The following THADA variants were observed in gnomAD, a reference collection of about 807,000 sequenced individuals.
THADA encodes tRNA (32-2'-O)-methyltransferase regulator THADA.
Under a neutral mutation model 219.8 loss-of-function variants are expected in THADA, and 213 were observed. That is an observed-to-expected ratio of 0.97 (90% CI 0.87 to 1.09). The LOEUF (loss-of-function observed/expected upper bound fraction) is 1.09. Ranked by LOEUF, THADA falls within the 50% of genes least tolerant of loss-of-function variation. The pLI is 0.00. For missense variants in THADA, 2,956 were observed against 2,311.3 expected (o/e 1.28, Z -5.72); for synonymous variants, 1,018 against 828.9 (o/e 1.23, Z -3.92).
chr2:43,560,936 G>C (rs539092847), intron 15 of THADA, among the ~76,000 whole-genome samples: 13 of 151,172 alleles, frequency 8.6e-5, no homozygotes, highest in African/African-American at 3.2e-4. Flanking sequence ...AGAATCGCTC[G>C]AGGCCAGGAG....
At chr2:43,364,986 T>G (rs1379656004) in intron 29 of THADA, among the ~76,000 whole-genome samples, 1 of 151,666 alleles carries the variant, frequency 6.6e-6, no homozygotes, top group Non-Finnish European at 1.5e-5. Flanking sequence ...AGACGGAGTT[T>G]CGCTCTTGTT....
chr2:43,582,673 G>C (rs184173256), intron 7 of THADA, among the ~76,000 whole-genome samples: 1 of 147,132 alleles, frequency 6.8e-6, no homozygotes, highest in African/African-American at 2.5e-5. Context: ...GGGTTCAAGC[G>C]ATTCTCCTGC....
At chr2:43,541,560 G>A (rs765383730) in intron 20 of THADA, among the ~76,000 whole-genome samples, 11 of 151,900 alleles carry the variant, frequency 7.2e-5, no homozygotes, top group Non-Finnish European at 1.5e-4. Context: ...CCAGGCTGGG[G>A]TGCAGTAGCA....
At chr2:43,508,832 T>G in intron 22 of THADA, 52 bp from the exon 23 acceptor site, 1 of 1,569,928 alleles carries the variant, frequency 6.4e-7, no homozygotes, top group Non-Finnish European at 8.7e-7. Flanking sequence ...AAGTTAAAAG[T>G]ACAAACTATT....
At chr2:43,588,245 C>T (rs1382894592) in intron 4 of THADA, among the ~76,000 whole-genome samples, 1 of 151,314 alleles carries the variant, frequency 6.6e-6, no homozygotes, top group African/African-American at 2.4e-5. Context: ...GAATCCCTAC[C>T]TCACACTACA....
At chr2:43,365,501 G>T (rs899176015) in intron 29 of THADA, among the ~76,000 whole-genome samples, 1 of 151,780 alleles carries the variant, frequency 6.6e-6, no homozygotes, top group Non-Finnish European at 1.5e-5. Flanking sequence ...AACCTGGGAG[G>T]TGGAGGCTGC....
intron 25 of THADA, among the ~76,000 whole-genome samples, 177 bp from the exon 26 acceptor site, chr2:43,485,502 T>C (rs775022771): frequency 6.6e-6 from 1 of 152,188 alleles, no homozygotes; most frequent in Non-Finnish European, 1.5e-5. Flanking sequence ...ATCGATTCAA[T>C]GACTTCAATT....
intron 36 of THADA, among the ~76,000 whole-genome samples, chr2:43,273,517 G>C (rs1388323954): frequency 1.3e-5 from 2 of 152,162 alleles, no homozygotes; most frequent in Non-Finnish European, 2.9e-5. Context: ...AGTCGATTAG[G>C]AAAGAGCCTA....
Position 43,327,851 on chromosome 2 carries a change from C to T in THADA, c.4344-7311G>A, listed in dbSNP as rs112629877. On this transcript the variant is annotated intron_variant, in intron 30 of 37. Transcript: ENST00000405975. ...ATCCAGACAACTACCTCTGAGGATA[C>T]GCTGAATGGCTGTCTGAACCCAGGA... 6.3e-3 allele frequency among the ~76,000 whole-genome samples: 956 copies of T among 152,308 alleles called. 4 individuals carry two copies. Among genetic ancestry groups the T allele is most frequent in the African/African-American group, 0.02 (835 of 41,566 alleles).
At chr2:43,368,304 A>T (rs1471435410) in intron 29 of THADA, among the ~76,000 whole-genome samples, 1 of 152,184 alleles carries the variant, frequency 6.6e-6, no homozygotes, top group Non-Finnish European at 1.5e-5. Flanking sequence ...GTGCTGAACC[A>T]TCAACTTTAC....
At chr2:43,231,470 C>G (rs1461332264) in intron 37 of THADA, 127 bp from the exon 38 acceptor site, 2 of 958,074 alleles carry the variant, frequency 2.1e-6, no homozygotes, top group East Asian at 5.5e-5. Flanking sequence ...AGGGTGCACT[C>G]TTGCCTGTCA....
At chr2:43,475,174 T>G (rs1054248651) in intron 26 of THADA, among the ~76,000 whole-genome samples, 1 of 152,140 alleles carries the variant, frequency 6.6e-6, no homozygotes, top group Non-Finnish European at 1.5e-5. Context: ...CCTATCACTT[T>G]GGGAGGCTGA....
At chr2:43,402,292 C>T (rs950919563) in intron 28 of THADA, among the ~76,000 whole-genome samples, 7 of 152,188 alleles carry the variant, frequency 4.6e-5, no homozygotes, top group African/African-American at 1.7e-4. Flanking sequence ...CAGACATTCA[C>T]AGCCGAAGAG....
At chr2:43,418,109 G>A (rs1433554742) in intron 28 of THADA, among the ~76,000 whole-genome samples, 1 of 152,092 alleles carries the variant, frequency 6.6e-6, no homozygotes, top group Admixed American at 6.6e-5. Context: ...TGTTTCTAGT[G>A]CCTGAAACAT....
intron 28 of THADA, among the ~76,000 whole-genome samples, chr2:43,426,151 G>A (rs750456355): frequency 6.6e-6 from 1 of 152,138 alleles, no homozygotes; most frequent in Non-Finnish European, 1.5e-5. Flanking sequence ...CTATATTAAT[G>A]CAATCTTTGT....
intron 20 of THADA, among the ~76,000 whole-genome samples, chr2:43,548,861 G>A (rs1040537776): frequency 6.6e-6 from 1 of 152,202 alleles, no homozygotes; most frequent in Non-Finnish European, 1.5e-5. Context: ...CTCGCGCATG[G>A]TGCGCTGCAC....
intron 21 of THADA, among the ~76,000 whole-genome samples, chr2:43,534,728 C>A (rs1433903262): frequency 6.6e-6 from 1 of 151,966 alleles, no homozygotes; most frequent in Non-Finnish European, 1.5e-5. Flanking sequence ...TGTTGGACAC[C>A]CAGGTTGATT....
At chr2:43,435,172 G>C (rs114890666) in intron 26 of THADA, among the ~76,000 whole-genome samples, 1,723 of 152,312 alleles carry the variant, frequency 0.011, 32 homozygotes, top group Non-Finnish European at 0.013. Flanking sequence ...CAAATAGCCA[G>C]GGCCAGGCGC....
chr2:43,238,118 CA>C (rs59802310), intron 36 of THADA, among the ~76,000 whole-genome samples: 242 of 28,226 alleles, frequency 8.6e-3, no homozygotes, highest in East Asian at 0.056. Context: ...GATTCCATCT[CA>C]AAAAAAAAAA....
Sources: gnomAD v4.1 joint callset for allele counts (sites outside exome capture counted in the v4.1 genomes callset) on GRCh38, gnomAD v4.1.1 for gene constraint, MANE v1.5 for transcripts, NCBI Gene and HGNC (gene_info 2026-07-23, HGNC 2026-07-21) for gene names.